PLEKHG1: variants seen among roughly 807,000 people sequenced by gnomAD.
The protein encoded by PLEKHG1 is pleckstrin homology and RhoGEF domain containing G1.
Under a neutral mutation model 100.8 loss-of-function variants are expected in PLEKHG1, and 44 were observed. The observed-to-expected ratio is 0.44, with a 90% confidence interval of 0.34 to 0.56. The LOEUF (loss-of-function observed/expected upper bound fraction) is 0.56, where lower values mean the gene tolerates loss of function less well. PLEKHG1 is among the 20% of genes least tolerant of loss of function. The pLI, the probability that PLEKHG1 is intolerant of heterozygous loss-of-function variation, is 0.01. For missense variants in PLEKHG1, 1,545 were observed against 1,720.9 expected, an observed-to-expected ratio of 0.90 and a Z score of 1.81; for synonymous variants, 640 against 662.5, an observed-to-expected ratio of 0.97 and a Z score of 0.52.
At chr6:150,776,020 C>T (rs1025919653) in intron 3 of PLEKHG1, among the ~76,000 whole-genome samples, 10 of 152,008 alleles carry the variant, frequency 6.6e-5, no homozygotes, top group African/African-American at 1.9e-4. Flanking sequence ...GGGGAGGGGC[C>T]GCATCCTCGA....
intron 3 of PLEKHG1, among the ~76,000 whole-genome samples, chr6:150,704,561 G>T (rs575365277): frequency 1.3e-5 from 2 of 152,264 alleles, no homozygotes; most frequent in South Asian, 4.1e-4. Context: ...TGAGCTCTCC[G>T]TGGAGCACTG....
intron 4 of PLEKHG1, among the ~76,000 whole-genome samples, chr6:150,787,005 G>A (rs1367712542): frequency 6.7e-6 from 1 of 148,768 alleles, no homozygotes; most frequent in African/African-American, 2.5e-5. Context: ...ACTCCAGCCT[G>A]GGTGACAAGA....
chr6:150,756,328 C>G (rs1583064259), intron 2 of PLEKHG1, among the ~76,000 whole-genome samples: 1 of 152,166 alleles, frequency 6.6e-6, no homozygotes, highest in African/African-American at 2.4e-5. Flanking sequence ...TGGATCAATA[C>G]ATAACTTTTG....
chr6:150,700,701 A>G (rs1562445768), intron 3 of PLEKHG1, among the ~76,000 whole-genome samples: 1 of 152,150 alleles, frequency 6.6e-6, no homozygotes, highest in African/African-American at 2.4e-5. Flanking sequence ...GGGGGCCTCT[A>G]CTTCCTAGCA....
chr6:150,727,632 T>C (rs6929578), intron 1 of PLEKHG1, among the ~76,000 whole-genome samples: 26,299 of 151,948 alleles, frequency 0.17, 3,411 homozygotes, highest in African/African-American at 0.36. Flanking sequence ...TTTATTTGGT[T>C]GGCTTTTAGG....
chr6:150,677,739 C>T (rs1422684850), intron 3 of PLEKHG1, among the ~76,000 whole-genome samples: 2 of 151,880 alleles, frequency 1.3e-5, no homozygotes, highest in Admixed American at 6.6e-5. Flanking sequence ...TAGCTGGACA[C>T]GGTGGTGCAC....
chr6:150,656,686 A>T (rs1778981767), intron 3 of PLEKHG1, among the ~76,000 whole-genome samples: 1 of 152,184 alleles, frequency 6.6e-6, no homozygotes, highest in Admixed American at 6.5e-5. Context: ...TTTTAAACCT[A>T]TTACCATATT....
chr6:150,754,878 C>T (rs924314850), intron 2 of PLEKHG1, among the ~76,000 whole-genome samples: 11 of 151,990 alleles, frequency 7.2e-5, no homozygotes, highest in African/African-American at 2.2e-4. Flanking sequence ...CTGTGCTGGT[C>T]GGGCTAGTCT....
intron 3 of PLEKHG1, among the ~76,000 whole-genome samples, chr6:150,670,792 T>C (rs1582918728): frequency 6.6e-6 from 1 of 152,128 alleles, no homozygotes; most frequent in African/African-American, 2.4e-5. Context: ...TTGTTGTTGT[T>C]GTTATATGAG....
exon 16 of PLEKHG1, chr6:150,841,063 AGCCCGGATTGTACTGTAGCACAT>A (rs1313752744): frequency 2.8e-6 from 2 of 706,106 alleles, no homozygotes. Flanking sequence ...CTGACGATGC[AGCCCGGATTGTACTGTAGCACAT>A]GTTGGCATCA....
At chr6:150,677,365 A>G (rs1779797206) in intron 3 of PLEKHG1, among the ~76,000 whole-genome samples, 1 of 152,042 alleles carries the variant, frequency 6.6e-6, no homozygotes, top group Non-Finnish European at 1.5e-5. Flanking sequence ...TTCACTGGAT[A>G]GGCACCATGA....
chr6:150,664,573 A>G (rs1361167498), intron 3 of PLEKHG1: 1 of 152,256 alleles, frequency 6.6e-6, no homozygotes, highest in Non-Finnish European at 1.5e-5. Context: ...TCTACACACT[A>G]TTGCAGACTC....
chr6:150,807,931 T>C (rs1416860965), intron 7 of PLEKHG1, among the ~76,000 whole-genome samples: 1 of 152,062 alleles, frequency 6.6e-6, no homozygotes, highest in Non-Finnish European at 1.5e-5. Context: ...ATTGTGCCAC[T>C]GCACTCCAGC....
rs142432044 is a variant in PLEKHG1, at chr6:150,657,802, G to A, written c.-99+7016G>A. ...ATGATCAACTTGGATAGACCCACCA[G>A]AGGCTTGCTCAGGGACCATCTCTAA... On this transcript the variant is annotated intron_variant, in intron 3 of 3. Transcript: ENST00000367326. Among the ~76,000 whole-genome samples, 563 of 152,310 alleles carry A rather than the reference G, an allele frequency of 3.7e-3. 3 individuals are homozygous for A. The highest frequency in any genetic ancestry group is 0.013 in the African/African-American group (547 of 41,548).
chr6:150,655,726 A>G (rs924834846), intron 3 of PLEKHG1, among the ~76,000 whole-genome samples: 11 of 151,438 alleles, frequency 7.3e-5, no homozygotes, highest in Middle Eastern at 3.2e-3. Context: ...AAAAAAAAAA[A>G]AAAAGAAAAT....
intron 3 of PLEKHG1, 49 bp from the exon 5 acceptor site, chr6:150,786,341 A>T (rs1466192241): frequency 8.4e-7 from 1 of 1,187,618 alleles, no homozygotes; most frequent in Admixed American, 1.8e-5. Context: ...AAATGTACTC[A>T]CCCAGAAGAC....
intron 1 of PLEKHG1, among the ~76,000 whole-genome samples, chr6:150,616,593 A>G (rs1380716662): frequency 6.6e-6 from 1 of 152,258 alleles, no homozygotes. Context: ...ACAAATAAAT[A>G]CTAGAGCTAG....
At chr6:150,649,268 G>A (rs903455769) in intron 2 of PLEKHG1, among the ~76,000 whole-genome samples, 1 of 152,128 alleles carries the variant, frequency 6.6e-6, no homozygotes, top group African/African-American at 2.4e-5. Flanking sequence ...AGACCTAGGT[G>A]GAGCTAATTA....
chr6:150,820,381 G>A (rs968675275), intron 12 of PLEKHG1, among the ~76,000 whole-genome samples: 5 of 152,116 alleles, frequency 3.3e-5, no homozygotes, highest in South Asian at 4.1e-4. Context: ...ATTATCCAAA[G>A]CTAAAATTTT....
Sources: gnomAD v4.1 joint callset for allele counts (sites outside exome capture counted in the v4.1 genomes callset) on GRCh38, gnomAD v4.1.1 for gene constraint, MANE v1.5 for transcripts, NCBI Gene and HGNC (gene_info 2026-07-23, HGNC 2026-07-21) for gene names.